RAPGEF6: variants seen among roughly 807,000 people sequenced by gnomAD.
RAPGEF6 encodes the protein Rap guanine nucleotide exchange factor 6.
Under a neutral mutation model 171.4 loss-of-function variants are expected in RAPGEF6, and 56 were observed. The ratio of observed to expected loss-of-function variants is 0.33; its 90% CI spans 0.26 to 0.41. The LOEUF (loss-of-function observed/expected upper bound fraction) is 0.41. Among genes scored for constraint, RAPGEF6 ranks in the 10% least tolerant of loss-of-function variants. The pLI is 1.00. For synonymous variants in RAPGEF6, 692 were observed against 650.1 expected (o/e 1.06, Z -0.98); for missense variants, 1,674 against 1,921.4 (o/e 0.87, Z 2.41).
Position 131,492,657 on chromosome 5 carries a change from C to G in RAPGEF6, c.1656G>C (p.Lys552Asn). The G allele has an allele frequency of 6.2e-7, 1 of 1,614,164 alleles. No homozygotes were observed. The highest frequency in any genetic ancestry group is 1.3e-5 in the African/African-American group (1 of 75,042). Residue 552 changes from lysine (K) to asparagine (N), a missense_variant, in exon 14 of 28, where the codon AAG (lysine) becomes AAC (asparagine). Transcript: ENST00000509018. ...CTCCTTCAACAAAAATACCAAATCC[C>G]TTCTCACTCCCTCCATTAAGGCTGA... ...LQFSLNGGSEKGFGIFVEGVE... is the reference protein window; with the variant it reads ...LQFSLNGGSENGFGIFVEGVE...
intron 20 of RAPGEF6, 52 bp downstream of exon 20, chr5:131,455,749 T>C (rs1580850248): frequency 3.4e-6 from 5 of 1,482,446 alleles, no homozygotes; most frequent in East Asian, 4.5e-5. Context: ...TCAATTCAGG[T>C]AGACTTTAGA....
At chr5:131,544,791 T>C (rs1470375990) in intron 6 of RAPGEF6, among the ~76,000 whole-genome samples, 1 of 152,172 alleles carries the variant, frequency 6.6e-6, no homozygotes, top group Non-Finnish European at 1.5e-5. Flanking sequence ...CAAGTGATTC[T>C]CCTGCCTCAG....
intron 18 of RAPGEF6, among the ~76,000 whole-genome samples, chr5:131,463,397 G>A (rs1028248238): frequency 1.3e-5 from 2 of 151,962 alleles, no homozygotes; most frequent in Non-Finnish European, 2.9e-5. Context: ...TGGCCAACAC[G>A]GTGAAACCTC....
chr5:131,468,597 G>C (rs905041756), intron 17 of RAPGEF6, among the ~76,000 whole-genome samples: 2 of 137,634 alleles, frequency 1.5e-5, no homozygotes, highest in African/African-American at 5.2e-5. Context: ...AAAAAAGACT[G>C]ACTTTTCATT....
At chr5:131,610,278 G>C (rs1200180478) in intron 1 of RAPGEF6, among the ~76,000 whole-genome samples, 1 of 152,128 alleles carries the variant, frequency 6.6e-6, no homozygotes, top group Non-Finnish European at 1.5e-5. Context: ...GCAGGTCCTG[G>C]TTCCAAAGGC....
At chr5:131,628,197 T>C (rs1766066605) in intron 1 of RAPGEF6, among the ~76,000 whole-genome samples, 1 of 152,054 alleles carries the variant, frequency 6.6e-6, no homozygotes. Flanking sequence ...CCAGGCCTCT[T>C]GCACCACACA....
At chr5:131,574,571 C>T (rs905656283) in intron 4 of RAPGEF6, among the ~76,000 whole-genome samples, 4 of 152,120 alleles carry the variant, frequency 2.6e-5, no homozygotes, top group Admixed American at 6.5e-5. Flanking sequence ...ACTTGGACAA[C>T]ATTCTTTTAT....
chr5:131,579,433 A>G (rs1018416936), intron 4 of RAPGEF6, among the ~76,000 whole-genome samples: 1 of 152,160 alleles, frequency 6.6e-6, no homozygotes, highest in African/African-American at 2.4e-5. Context: ...TGATTGGTCC[A>G]TTTTACAGAG....
intron 3 of RAPGEF6, among the ~76,000 whole-genome samples, chr5:131,600,196 A>T (rs1764145092): frequency 6.6e-6 from 1 of 152,204 alleles, no homozygotes; most frequent in Non-Finnish European, 1.5e-5. Context: ...CTTTTATGAA[A>T]ATAGTTCTTT....
At chr5:131,619,028 T>TGC (rs2150031811) in intron 1 of RAPGEF6, among the ~76,000 whole-genome samples, 1 of 146,936 alleles carries the variant, frequency 6.8e-6, no homozygotes, top group South Asian at 2.2e-4. Flanking sequence ...TCTTCAAAAG[T>TGC]GCAATGTTCA....
intron 17 of RAPGEF6, chr5:131,469,786 C>CT (rs766077936): frequency 6.7e-7 from 1 of 1,499,790 alleles, no homozygotes; most frequent in South Asian, 1.2e-5. Flanking sequence ...ATACTACAGT[C>CT]TTTAAGATAC....
intron 5 of RAPGEF6, among the ~76,000 whole-genome samples, chr5:131,558,885 T>C (rs541602383): frequency 6.6e-6 from 1 of 152,338 alleles, no homozygotes; most frequent in South Asian, 2.1e-4. Flanking sequence ...ACATTCCATG[T>C]GCACTTGAAA....
chr5:131,471,603 T>C (rs910707864), intron 17 of RAPGEF6, among the ~76,000 whole-genome samples: 16 of 152,202 alleles, frequency 1.1e-4, no homozygotes, highest in African/African-American at 3.6e-4. Context: ...CTTAATTGTA[T>C]ATGCCTTTTA....
intron 19 of RAPGEF6, among the ~76,000 whole-genome samples, chr5:131,460,754 T>A (rs186734348): frequency 6.6e-6 from 1 of 152,296 alleles, no homozygotes. Context: ...TTCAGTTCAG[T>A]TGTAGACACT....
chr5:131,512,634 C>T (rs986211868), intron 7 of RAPGEF6, among the ~76,000 whole-genome samples: 1 of 152,138 alleles, frequency 6.6e-6, no homozygotes, highest in African/African-American at 2.4e-5. Context: ...ACTAAATACT[C>T]AAATTGTGAT....
At position 131,461,927 on chromosome 5, in the gene RAPGEF6, G is replaced by A. The variant is rs768626453; in HGVS notation, c.2642C>T (p.Pro881Leu). ...AAAAAGGTCATCGATGTACTCAGTC[G>A]GTTCAATATTACGAAACAAATCAAA... is the stretch of plus-strand genomic sequence containing the variant. Reference protein sequence around the residue: ...RDFDLFRNIEPTEYIDDLFKL... With the variant: ...RDFDLFRNIELTEYIDDLFKL... Residue 881 changes from proline to leucine, a missense_variant, in exon 19 of 28, where the codon CCG becomes CTG. This residue lies in a region of RAPGEF6 where 1,116 missense variants were observed against 1,321.5 expected (regional missense o/e 0.84). Transcript: ENST00000509018. The A allele has an allele frequency of 2.0e-5, 33 of 1,613,912 alleles. No individual in the cohort carries two copies. The highest frequency in any genetic ancestry group is 2.0e-4 in the Admixed American group (12 of 59,986).
At chr5:131,456,233 C>A (rs1326588843) in intron 19 of RAPGEF6, among the ~76,000 whole-genome samples, 1 of 152,086 alleles carries the variant, frequency 6.6e-6, no homozygotes, top group Non-Finnish European at 1.5e-5. Context: ...TAGTTCTATA[C>A]CTACATAGCA....
At chr5:131,504,090 C>A (rs754306280) in intron 11 of RAPGEF6, among the ~76,000 whole-genome samples, 1 of 152,104 alleles carries the variant, frequency 6.6e-6, no homozygotes, top group Non-Finnish European at 1.5e-5. Context: ...AAAACTCTGA[C>A]CAGTATATTC....
In RAPGEF6 at chr5:131,446,707, T is replaced by C. The variant is rs1208893507; in HGVS notation, c.3201-4A>G. On this transcript the variant is annotated splice_polypyrimidine_tract_variant and splice_region_variant and intron_variant, in intron 21 of 27. Coordinates refer to ENST00000509018, the MANE Select transcript of RAPGEF6 (RefSeq NM_016340.6). ...TGTGCTTCCTTGACTCAGTGACCTA[T>C]AAGAAGATGAAAATCACAATAAGGG... is the stretch of plus-strand genomic sequence containing the variant. 6.2e-7 allele frequency: 1 copy of C among 1,610,810 alleles called. No homozygotes were observed. The highest frequency in any genetic ancestry group is 1.7e-5 in the Admixed American group (1 of 59,864).
Sources: allele counts gnomAD v4.1 joint callset (sites outside exome capture counted in the v4.1 genomes callset), GRCh38; gene constraint gnomAD v4.1.1; regional missense constraint gnomAD v4.1.1; transcripts MANE v1.5; gene names NCBI Gene and HGNC (gene_info 2026-07-23, HGNC 2026-07-21).